KALRN: variants seen among roughly 807,000 people sequenced by gnomAD.
The protein encoded by KALRN is kalirin RhoGEF kinase.
A neutral mutation model predicts 353.7 loss-of-function variants in KALRN; 70 were observed. That is an observed-to-expected ratio of 0.20 (90% CI 0.16 to 0.24). The LOEUF is 0.24. Among genes scored for constraint, KALRN ranks in the 10% least tolerant of loss-of-function variants. The probability of loss-of-function intolerance (pLI) is 1.00; values close to 1 mark genes in which losing one functional copy is unlikely to be tolerated. For synonymous variants in KALRN, 1,391 were observed against 1,434.8 expected (o/e 0.97, Z 0.69); for missense variants, 2,791 against 3,756.7 (o/e 0.74, Z 6.72).
intron 2 of KALRN, among the ~76,000 whole-genome samples, chr3:124,233,405 C>A (rs747123747): frequency 6.6e-6 from 1 of 152,130 alleles, no homozygotes; most frequent in Non-Finnish European, 1.5e-5. Flanking sequence ...GTGGTTATCA[C>A]GTCAAAGAAC....
chr3:124,147,987 G>A (rs1315636145), intron 1 of KALRN, among the ~76,000 whole-genome samples: 4 of 152,168 alleles, frequency 2.6e-5, no homozygotes, highest in Non-Finnish European at 5.9e-5. Flanking sequence ...GGCCTTTAGT[G>A]AGGAAGAAGG....
intron 19 of KALRN, among the ~76,000 whole-genome samples, chr3:124,442,470 T>C (rs753725370): frequency 1.3e-5 from 2 of 152,206 alleles, no homozygotes; most frequent in Admixed American, 6.5e-5. Flanking sequence ...GGTTAATATA[T>C]TGAACAGCAC....
At chr3:124,590,173 G>A (rs531377109) in intron 34 of KALRN, among the ~76,000 whole-genome samples, 9 of 152,094 alleles carry the variant, frequency 5.9e-5, no homozygotes, top group African/African-American at 2.2e-4. Context: ...GGTGATAGGT[G>A]TATCATTTAT....
At chr3:124,094,968 A>G (rs2061344595) in intron 1 of KALRN, 1 of 1,460,764 alleles carries the variant, frequency 6.8e-7, no homozygotes, top group Admixed American at 1.7e-5. Context: ...TAGAGACATA[A>G]AGAGACATGC....
intron 10 of KALRN, among the ~76,000 whole-genome samples, chr3:124,353,300 A>G (rs980165628): frequency 1.3e-5 from 2 of 152,262 alleles, no homozygotes; most frequent in African/African-American, 4.8e-5. Context: ...TAAGGGCAAA[A>G]TAAAATAGGA....
chr3:124,565,149 T>G (rs1307767214), intron 34 of KALRN, among the ~76,000 whole-genome samples: 1 of 152,182 alleles, frequency 6.6e-6, no homozygotes, highest in African/African-American at 2.4e-5. Flanking sequence ...CAGGCTGAAT[T>G]GTTTGTGCTG....
chr3:124,302,531 A>G (rs753442106), intron 6 of KALRN, among the ~76,000 whole-genome samples: 3 of 152,250 alleles, frequency 2.0e-5, no homozygotes, highest in Admixed American at 6.5e-5. Flanking sequence ...CATTTTGTCA[A>G]TGAAAATAAT....
intron 14 of KALRN, among the ~76,000 whole-genome samples, chr3:124,418,885 C>A (rs988743587): frequency 1.3e-5 from 2 of 152,048 alleles, no homozygotes; most frequent in African/African-American, 4.8e-5. Flanking sequence ...CGGGTCCCAG[C>A]CGCAGAGATT....
intron 1 of KALRN, among the ~76,000 whole-genome samples, chr3:124,213,577 A>G (rs577758146): frequency 6.6e-6 from 1 of 152,272 alleles, no homozygotes; most frequent in Admixed American, 6.5e-5. Context: ...CCTTTGGCAC[A>G]TAGGGGGTAC....
chr3:124,495,974 T>TATATGTATATATATATATATATATACAC (rs2063721738), intron 32 of KALRN, among the ~76,000 whole-genome samples: 3 of 23,436 alleles, frequency 1.3e-4, no homozygotes, highest in South Asian at 2.8e-3. Context: ...TGTATATATA[T>TATATGTATATATATATATATATATACAC]ATATATATAT....
chr3:124,242,140 C>G (rs751745262), intron 3 of KALRN, among the ~76,000 whole-genome samples: 6 of 152,168 alleles, frequency 3.9e-5, no homozygotes, highest in Non-Finnish European at 7.3e-5. Flanking sequence ...AGAAGATTCA[C>G]TCTGGCAACT....
At chr3:124,117,810 A>G (rs2063588624) in intron 1 of KALRN, among the ~76,000 whole-genome samples, 1 of 152,310 alleles carries the variant, frequency 6.6e-6, no homozygotes, top group Non-Finnish European at 1.5e-5. Flanking sequence ...GTTACTGAAC[A>G]TTAGTTTTTA....
intron 6 of KALRN, among the ~76,000 whole-genome samples, chr3:124,317,837 T>G (rs768229570): frequency 3.3e-5 from 5 of 151,902 alleles, no homozygotes; most frequent in Non-Finnish European, 7.4e-5. Flanking sequence ...AGCCTAAAGT[T>G]ACTACATCCT....
Position 124,497,675 on chromosome 3 carries a change from C to G in KALRN, c.4935+1262C>G, listed in dbSNP as rs1394569578. On this transcript the variant is annotated intron_variant, in intron 33 of 59. Transcript: ENST00000682506. Reference sequence around the variant, plus strand: ...CTTGTGAAAACATACAATGAAAAACCATTTCTGTAATTTCCTGTCTCCTCT... The same window carrying G: ...CTTGTGAAAACATACAATGAAAAACGATTTCTGTAATTTCCTGTCTCCTCT... Among the ~76,000 whole-genome samples the G allele has an allele frequency of 1.2e-4, 18 of 152,058 alleles. 1 individual carries two copies. The highest frequency in any genetic ancestry group is 1.2e-3 in the Admixed American group (18 of 15,268).
chr3:124,570,442 AC>A (rs370399936), intron 34 of KALRN, among the ~76,000 whole-genome samples: 14 of 152,326 alleles, frequency 9.2e-5, no homozygotes, highest in African/African-American at 3.4e-4. Flanking sequence ...GCAGAAGTAT[AC>A]ATGGGAGTAT....
intron 34 of KALRN, among the ~76,000 whole-genome samples, chr3:124,618,084 ATCTTTTT>A (rs2078826730): frequency 1.8e-5 from 2 of 112,516 alleles, no homozygotes; most frequent in African/African-American, 6.5e-5. Context: ...CAGTGCAGAA[ATCTTTTT>A]TTTTTTTTTT....
chr3:124,650,875 C>T lies in KALRN; in HGVS notation c.5732C>T (p.Ala1911Val). The T allele has an allele frequency of 6.2e-7, 1 of 1,614,072 alleles. No homozygotes were observed. The highest frequency in any genetic ancestry group is 8.5e-7 in the Non-Finnish European group (1 of 1,179,928). ...DPAGCLNEGM[A>V]PPTPPKNPEE... is the part of the protein sequence containing the mutation. ...GCAGGCTGCCTGAATGAGGGGATGGCCCCACCCACACCTCCTAAAAACCCA... is the reference window on the plus strand; with the variant it reads ...GCAGGCTGCCTGAATGAGGGGATGGTCCCACCCACACCTCCTAAAAACCCA... Residue 1911 changes from alanine to valine, a missense_variant, in exon 38 of 60, where the codon GCC (alanine) becomes GTC (valine). This residue lies in a region of KALRN where 1,065 missense variants were observed against 1,156.4 expected (regional missense o/e 0.92). Coordinates refer to ENST00000682506, the MANE Select transcript of KALRN (RefSeq NM_001388419.1).
chr3:124,097,366 A>C (rs992776975), intron 1 of KALRN, among the ~76,000 whole-genome samples: 8 of 152,256 alleles, frequency 5.3e-5, no homozygotes, highest in Non-Finnish European at 1.2e-4. Flanking sequence ...CTTAAGTGTA[A>C]CAGAATTTAG....
At chr3:124,048,537 A>C (rs949828929) in intron 1 of KALRN, among the ~76,000 whole-genome samples, 7 of 151,162 alleles carry the variant, frequency 4.6e-5, no homozygotes, top group African/African-American at 1.7e-4. Context: ...GCTGGAGTGC[A>C]GTGGTGCGAT....
Sources: allele counts gnomAD v4.1 joint callset (sites outside exome capture counted in the v4.1 genomes callset), GRCh38; gene constraint gnomAD v4.1.1; regional missense constraint gnomAD v4.1.1; transcripts MANE v1.5; gene names NCBI Gene and HGNC (gene_info 2026-07-23, HGNC 2026-07-21).